Variants in TAFA2 observed in about 807,000 individuals in gnomAD.
TAFA2 encodes the protein chemokine-like protein TAFA-2.
In TAFA2, 7 loss-of-function variants were observed where a neutral mutation model predicts 18.8. The observed-to-expected ratio is 0.37, with a 90% CI of 0.21 to 0.70. TAFA2 has a LOEUF of 0.70. Among genes scored for constraint, TAFA2 ranks in the 30% least tolerant of loss-of-function variants. TAFA2 has a pLI of 0.53. For synonymous variants in TAFA2, 60 were observed against 54.2 expected (o/e 1.11, Z -0.47); for missense variants, 122 against 158.1 (o/e 0.77, Z 1.23).
intron 1 of TAFA2, among the ~76,000 whole-genome samples, chr12:62,133,476 G>A (rs1870769398): frequency 6.6e-6 from 1 of 151,400 alleles, no homozygotes; most frequent in Admixed American, 6.6e-5. Context: ...AATCAAAGAA[G>A]AGGAAAGAAC....
intron 2 of TAFA2, among the ~76,000 whole-genome samples, chr12:61,772,125 C>G (rs1280957046): frequency 6.6e-6 from 1 of 151,838 alleles, no homozygotes; most frequent in Non-Finnish European, 1.5e-5. Flanking sequence ...ACTAGAAAAT[C>G]TAGAGGAGAT....
chr12:61,913,533 C>T (rs1403524569), intron 1 of TAFA2, among the ~76,000 whole-genome samples: 1 of 152,156 alleles, frequency 6.6e-6, no homozygotes, highest in Non-Finnish European at 1.5e-5. Flanking sequence ...TGATTCTGGC[C>T]TCAGTCTATG....
At chr12:61,892,249 T>C (rs1279561438) in intron 1 of TAFA2, among the ~76,000 whole-genome samples, 1 of 152,050 alleles carries the variant, frequency 6.6e-6, no homozygotes, top group Non-Finnish European at 1.5e-5. Context: ...TTGGTGTCAT[T>C]ACTACGATGG....
At position 61,843,525 on chromosome 12, in the gene TAFA2, G is replaced by GTT. The variant is rs1230931821; in HGVS notation, c.106+23793_106+23794dup. On this transcript the variant is annotated intron_variant, in intron 2 of 4. Coordinates refer to ENST00000416284, the MANE Select transcript of TAFA2 (RefSeq NM_178539.5). ...CAAAGGGTCATAATGGGAAAAGTCT[G>GTT]TTTTTGATGATTAATTGAAAGAGTT... 2.5e-4 allele frequency among the ~76,000 whole-genome samples: 38 copies of GTT among 152,170 alleles called. 2 individuals are homozygous for GTT. The South Asian group carries it at 7.7e-3, about 31-fold the overall frequency.
chr12:61,803,546 A>T (rs577818788), intron 2 of TAFA2, among the ~76,000 whole-genome samples: 1 of 152,068 alleles, frequency 6.6e-6, no homozygotes, highest in African/African-American at 2.4e-5. Flanking sequence ...CAGCTTATGG[A>T]TTAAAAATAG....
Position 62,026,796 on chromosome 12 carries a change from G to T in TAFA2, c.-1-159370C>A, listed in dbSNP as rs1592558290. Among the ~76,000 whole-genome samples, 4 of 152,256 alleles carry T rather than the reference G, an allele frequency of 2.6e-5. 1 individual carries two copies. The South Asian group carries it at 8.3e-4, about 32-fold the overall frequency. ...TTTAAACAAAATGGCTTCAACAAAA[G>T]AAAGCATTTGGAATTGTAAATTTGC... On this transcript the variant is annotated intron_variant, in intron 1 of 4. Transcript: ENST00000416284.
rs531270136 is a variant in TAFA2 at position 61,815,123 on chromosome 12, G to A, written c.106+52197C>T. ...GTGAAATATGTTACTATTTCATGGA[G>A]TAGAGTAGTCATGGCAGAAATAGTA... On this transcript the variant is annotated intron_variant, in intron 2 of 4. Coordinates refer to ENST00000416284, the MANE Select transcript of TAFA2 (RefSeq NM_178539.5). 3.4e-4 allele frequency among the ~76,000 whole-genome samples: 51 copies of A among 151,546 alleles called. 3 individuals are homozygous for A. The highest frequency in any genetic ancestry group is 1.2e-3 in the African/African-American group (48 of 40,846).
chr12:61,942,192 C>T (rs866139029), intron 1 of TAFA2, among the ~76,000 whole-genome samples: 2 of 145,360 alleles, frequency 1.4e-5, no homozygotes, highest in South Asian at 2.2e-4. Context: ...AGCAGGGGCA[C>T]ACTGACACCT....
chr12:61,776,467 A>C (rs1870268435), intron 2 of TAFA2: 1 of 152,646 alleles, frequency 6.6e-6, no homozygotes, highest in African/African-American at 2.4e-5. Context: ...AGTGATTAAG[A>C]GCCATGATGC....
At chr12:61,969,850 TA>T (rs1426939664) in intron 1 of TAFA2, among the ~76,000 whole-genome samples, 4 of 151,670 alleles carry the variant, frequency 2.6e-5, no homozygotes, top group African/African-American at 9.7e-5. Flanking sequence ...GAGGAAACTG[TA>T]AGAACAAAGG....
intron 2 of TAFA2, among the ~76,000 whole-genome samples, chr12:61,789,617 C>G (rs910203284): frequency 1.3e-5 from 2 of 151,704 alleles, no homozygotes; most frequent in Admixed American, 1.3e-4. Context: ...GTGCAGCAAA[C>G]CACCATGGCA....
At chr12:62,210,739 G>A (rs1257830155) in intron 1 of TAFA2, among the ~76,000 whole-genome samples, 2 of 152,086 alleles carry the variant, frequency 1.3e-5, no homozygotes, top group Admixed American at 6.5e-5. Flanking sequence ...TGAAAAGGAT[G>A]TACCGATTCC....
chr12:61,864,266 C>T (rs1481570087), intron 2 of TAFA2, among the ~76,000 whole-genome samples: 1 of 151,224 alleles, frequency 6.6e-6, no homozygotes, highest in African/African-American at 2.4e-5. Flanking sequence ...AAATAAATTA[C>T]CATGAGTGAA....
chr12:62,173,551 G>A (rs986840605), intron 1 of TAFA2, among the ~76,000 whole-genome samples: 5 of 152,196 alleles, frequency 3.3e-5, no homozygotes, highest in Non-Finnish European at 7.4e-5. Flanking sequence ...CTAGGAAGCA[G>A]CACAAAAGAA....
chr12:61,726,050 A>T (rs1386677546), intron 4 of TAFA2, among the ~76,000 whole-genome samples: 1 of 151,234 alleles, frequency 6.6e-6, no homozygotes, highest in Non-Finnish European at 1.5e-5. Context: ...AGCAAGTCAC[A>T]CGTGGGGAAA....
intron 2 of TAFA2, among the ~76,000 whole-genome samples, chr12:61,803,656 A>G (rs1475293384): frequency 1.3e-5 from 2 of 151,956 alleles, no homozygotes; most frequent in African/African-American, 4.8e-5. Flanking sequence ...CCAACATGCT[A>G]TTAGATAACT....
At chr12:61,906,782 T>G (rs545693540) in intron 1 of TAFA2, among the ~76,000 whole-genome samples, 4 of 152,152 alleles carry the variant, frequency 2.6e-5, no homozygotes, top group Non-Finnish European at 5.9e-5. Context: ...GAGGTGGTTA[T>G]CAGATGGAGA....
At chr12:62,161,855 T>TG (rs1454865615) in intron 1 of TAFA2, among the ~76,000 whole-genome samples, 14 of 152,322 alleles carry the variant, frequency 9.2e-5, no homozygotes, top group Admixed American at 2.6e-4. Context: ...TATAAGTGTT[T>TG]GGGGTCTTTA....
intron 1 of TAFA2, chr12:62,105,078 CAG>C (rs1869389467): frequency 5.4e-6 from 1 of 185,926 alleles, no homozygotes; most frequent in South Asian, 9.9e-5. Context: ...TTGTTTTCTA[CAG>C]AGAGAATTAA....
Sources: gnomAD v4.1 joint callset for allele counts (sites outside exome capture counted in the v4.1 genomes callset) on GRCh38, gnomAD v4.1.1 for gene constraint, MANE v1.5 for transcripts, NCBI Gene and HGNC (gene_info 2026-07-23, HGNC 2026-07-21) for gene names.